The following ARHGAP22 variants were observed in gnomAD, a reference collection of about 807,000 sequenced individuals.
ARHGAP22 encodes the protein rho GTPase-activating protein 22.
In ARHGAP22, 48 loss-of-function variants were observed where a neutral mutation model predicts 59.1. The ratio of observed to expected loss-of-function variants is 0.81; its 90% CI spans 0.64 to 1.03. ARHGAP22 has a LOEUF of 1.03. Ranked by LOEUF, ARHGAP22 falls within the 50% of genes least tolerant of loss-of-function variation. ARHGAP22 has a pLI of 0.00. For synonymous variants in ARHGAP22, 445 were observed against 416.4 expected, an observed-to-expected ratio of 1.07 and a Z score of -0.84; for missense variants, 1,015 against 958.7, an observed-to-expected ratio of 1.06 and a Z score of -0.78.
chr10:48,468,951 G>A (rs527381899), intron 4 of ARHGAP22, among the ~76,000 whole-genome samples: 168 of 152,226 alleles, frequency 1.1e-3, no homozygotes, highest in Non-Finnish European at 1.8e-3. Context: ...AACAGAGCCT[G>A]GCATTCCCAC....
chr10:48,482,026 C>A (rs1364737555), intron 3 of ARHGAP22, among the ~76,000 whole-genome samples: 1 of 152,166 alleles, frequency 6.6e-6, no homozygotes, highest in Non-Finnish European at 1.5e-5. Flanking sequence ...CAGATATTTG[C>A]TTTGCAAATA....
intron 1 of ARHGAP22, among the ~76,000 whole-genome samples, chr10:48,585,995 G>C (rs1588983098): frequency 6.6e-6 from 1 of 152,250 alleles, no homozygotes; most frequent in East Asian, 1.9e-4. Flanking sequence ...CTGGGCTTGA[G>C]CTTCACCTTA....
At chr10:48,496,237 C>T (rs1589751264) in intron 3 of ARHGAP22, among the ~76,000 whole-genome samples, 1 of 152,090 alleles carries the variant, frequency 6.6e-6, no homozygotes, top group East Asian at 1.9e-4. Flanking sequence ...CCCTTATGGT[C>T]GGTTGTCTTC....
upstream of ARHGAP22, among the ~76,000 whole-genome samples, chr10:48,608,770 A>G (rs1351298510): frequency 6.6e-6 from 1 of 152,210 alleles, no homozygotes; most frequent in Non-Finnish European, 1.5e-5. Flanking sequence ...TGATTGTTAA[A>G]TTTTCAGGAG....
At chr10:48,593,591 C>G (rs1037129359) in intron 1 of ARHGAP22, among the ~76,000 whole-genome samples, 2 of 152,230 alleles carry the variant, frequency 1.3e-5, no homozygotes, top group African/African-American at 4.8e-5. Flanking sequence ...GAGATGGCTA[C>G]TAAGTGACCA....
chr10:48,563,187 ATTTTTTTTTT>A (rs558735630), intron 2 of ARHGAP22, among the ~76,000 whole-genome samples: 4 of 104,210 alleles, frequency 3.8e-5, no homozygotes, highest in African/African-American at 7.3e-5. Flanking sequence ...ATCCAGGATA[ATTTTTTTTTT>A]TTTTTTTTTT....
At position 48,465,455 on chromosome 10, in the gene ARHGAP22, T is replaced by A. The variant is rs564240065; in HGVS notation, c.452-5564A>T. 9.6e-4 allele frequency among the ~76,000 whole-genome samples: 147 copies of A among 152,364 alleles called. 1 individual carries two copies. Among genetic ancestry groups the A allele is most frequent in the South Asian group, 2.3e-3 (11 of 4,830 alleles). On this transcript the variant is annotated intron_variant, in intron 4 of 9. Transcript: ENST00000249601. Reference sequence around the variant, plus strand: ...GTCCTAAGCCTCTCTGAGCTGGGCTTGGCCACCTTCCGGGGTGTGAGCGTC... The same window carrying A: ...GTCCTAAGCCTCTCTGAGCTGGGCTAGGCCACCTTCCGGGGTGTGAGCGTC...
chr10:48,647,555 G>A (rs912914930), intron 1 of ARHGAP22, among the ~76,000 whole-genome samples: 4 of 148,840 alleles, frequency 2.7e-5, no homozygotes, highest in African/African-American at 9.7e-5. Context: ...GCAAGTGTTG[G>A]TGAGGATGTG....
intron 1 of ARHGAP22, among the ~76,000 whole-genome samples, chr10:48,617,355 C>T (rs1252231086): frequency 6.6e-6 from 1 of 151,922 alleles, no homozygotes; most frequent in Admixed American, 6.6e-5. Flanking sequence ...ACAAATGGAC[C>T]TAACAAACAT....
intron 2 of ARHGAP22, among the ~76,000 whole-genome samples, chr10:48,580,753 C>A (rs757364683): frequency 1.3e-5 from 2 of 151,988 alleles, no homozygotes; most frequent in South Asian, 2.1e-4. Context: ...TAGGAGTGAG[C>A]CTGAGGGGCA....
intron 3 of ARHGAP22, among the ~76,000 whole-genome samples, chr10:48,490,803 C>T (rs1004380924): frequency 5.3e-5 from 8 of 152,156 alleles, no homozygotes; most frequent in African/African-American, 1.4e-4. Flanking sequence ...TCCAGACCTG[C>T]GGGAAGTTCA....
chr10:48,583,930 A>T (rs1262496329), intron 1 of ARHGAP22, among the ~76,000 whole-genome samples: 1 of 152,012 alleles, frequency 6.6e-6, no homozygotes, highest in Non-Finnish European at 1.5e-5. Flanking sequence ...GCTGAGCCAC[A>T]CCCCACCGAG....
At chr10:48,449,677 C>T (rs975548301) in intron 9 of ARHGAP22, among the ~76,000 whole-genome samples, 2 of 152,226 alleles carry the variant, frequency 1.3e-5, no homozygotes, top group Non-Finnish European at 2.9e-5. Context: ...CTGCAGAGGG[C>T]AACCCCGGTC....
At chr10:48,621,100 A>G (rs1249617536) in intron 1 of ARHGAP22, among the ~76,000 whole-genome samples, 1 of 152,272 alleles carries the variant, frequency 6.6e-6, no homozygotes, top group Non-Finnish European at 1.5e-5. Flanking sequence ...TTGCCTTTGC[A>G]TGGCCATCCA....
At chr10:48,642,145 G>GA in intron 1 of ARHGAP22, among the ~76,000 whole-genome samples, 1 of 152,186 alleles carries the variant, frequency 6.6e-6, no homozygotes, top group Non-Finnish European at 1.5e-5. Flanking sequence ...TCAATATCAT[G>GA]AAAATGGCCA....
At chr10:48,629,176 C>G (rs1164156388) in intron 1 of ARHGAP22, among the ~76,000 whole-genome samples, 1 of 152,206 alleles carries the variant, frequency 6.6e-6, no homozygotes. Context: ...CAGCCACCAC[C>G]AATGGCTGGT....
chr10:48,566,783 C>T (rs563763308), intron 2 of ARHGAP22, among the ~76,000 whole-genome samples: 1 of 152,326 alleles, frequency 6.6e-6, no homozygotes, highest in African/African-American at 2.4e-5. Flanking sequence ...GCACCATGTT[C>T]TGCAGAGAGC....
chr10:48,579,810 G>T (rs1471841105), intron 2 of ARHGAP22, among the ~76,000 whole-genome samples: 1 of 152,202 alleles, frequency 6.6e-6, no homozygotes, highest in African/African-American at 2.4e-5. Context: ...AGAACAGTGA[G>T]CAGGGCATAT....
At chr10:48,479,344 T>G in intron 4 of ARHGAP22, 1 of 502,092 alleles carries the variant, frequency 2.0e-6, no homozygotes, top group Non-Finnish European at 3.5e-6. Context: ...AGAATGGAGA[T>G]GAGGGAAGGC....
Sources: allele counts gnomAD v4.1 joint callset (sites outside exome capture counted in the v4.1 genomes callset), GRCh38; gene constraint gnomAD v4.1.1; transcripts MANE v1.5; gene names NCBI Gene and HGNC (gene_info 2026-07-23, HGNC 2026-07-21).